KCNJ6: variants seen among roughly 807,000 people sequenced by gnomAD.
KCNJ6 encodes potassium inwardly rectifying channel subfamily J member 6.
Under a neutral mutation model 34.2 loss-of-function variants are expected in KCNJ6, and 9 were observed. That is an observed-to-expected ratio of 0.26 (90% CI 0.16 to 0.46). The LOEUF (loss-of-function observed/expected upper bound fraction) is 0.46, where lower values mean the gene tolerates loss of function less well. Ranked by LOEUF, KCNJ6 falls within the 20% of genes least tolerant of loss-of-function variation. KCNJ6 has a pLI of 1.00. For missense variants in KCNJ6, 236 were observed against 531.3 expected (o/e 0.44, Z 5.46); for synonymous variants, 196 against 207.1 (o/e 0.95, Z 0.46).
At chr21:37,758,472 T>C (rs2055042718) in intron 2 of KCNJ6, among the ~76,000 whole-genome samples, 1 of 152,148 alleles carries the variant, frequency 6.6e-6, no homozygotes. Context: ...TCATTTGTAG[T>C]GTTTGCTGAT....
At chr21:37,810,905 C>T (rs970977294) in intron 2 of KCNJ6, among the ~76,000 whole-genome samples, 2 of 152,020 alleles carry the variant, frequency 1.3e-5, no homozygotes, top group Non-Finnish European at 2.9e-5. Context: ...ACATAGAGTT[C>T]CTAATCCTTG....
At chr21:37,751,127 T>A (rs1158893923) in intron 2 of KCNJ6, among the ~76,000 whole-genome samples, 1 of 152,216 alleles carries the variant, frequency 6.6e-6, no homozygotes, top group Non-Finnish European at 1.5e-5. Flanking sequence ...AGGAATGGAC[T>A]GATTTTTATT....
rs540029029 is a variant in KCNJ6, at chr21:37,720,777, G to A, written c.26-5646C>T. ...CTGCGGACTGCAGTGGCGCAATCTC[G>A]GCTCACTGCAAGCTCCGCTTCCCGG... On this transcript the variant is annotated intron_variant, in intron 2 of 3. Coordinates refer to ENST00000609713, the MANE Select transcript of KCNJ6 (RefSeq NM_002240.5). Among the ~76,000 whole-genome samples the A allele has an allele frequency of 5.1e-3, 768 of 149,834 alleles. 6 individuals carry two copies. The highest frequency in any genetic ancestry group is 0.01 in the Middle Eastern group (3 of 292).
At chr21:37,862,449 C>G (rs2055599397) in intron 1 of KCNJ6, among the ~76,000 whole-genome samples, 2 of 152,224 alleles carry the variant, frequency 1.3e-5, no homozygotes, top group African/African-American at 4.8e-5. Context: ...TCTAGCTGTG[C>G]TTTAATTCTA....
chr21:37,786,107 T>C (rs2055191456), intron 2 of KCNJ6, among the ~76,000 whole-genome samples: 1 of 152,226 alleles, frequency 6.6e-6, no homozygotes, highest in Non-Finnish European at 1.5e-5. Flanking sequence ...TACAACTCTT[T>C]ACAGCCTAGC....
At chr21:37,706,886 G>A (rs899202651) in intron 3 of KCNJ6, among the ~76,000 whole-genome samples, 1 of 152,202 alleles carries the variant, frequency 6.6e-6, no homozygotes, top group Non-Finnish European at 1.5e-5. Flanking sequence ...ATCTAGGAGA[G>A]GAAATGGGAA....
intron 3 of KCNJ6, among the ~76,000 whole-genome samples, chr21:37,666,020 C>T (rs190283660): frequency 6.6e-6 from 1 of 152,302 alleles, no homozygotes; most frequent in African/African-American, 2.4e-5. Flanking sequence ...ACCATGATGT[C>T]ATTTCATACC....
At chr21:37,709,340 C>A (rs924907295) in intron 3 of KCNJ6, among the ~76,000 whole-genome samples, 2 of 151,878 alleles carry the variant, frequency 1.3e-5, no homozygotes, top group Non-Finnish European at 2.9e-5. Context: ...GGAGAAACCC[C>A]ATCTCTACTA....
chr21:37,720,035 T>C (rs2054816489), intron 2 of KCNJ6, among the ~76,000 whole-genome samples: 1 of 152,118 alleles, frequency 6.6e-6, no homozygotes, highest in Non-Finnish European at 1.5e-5. Flanking sequence ...AGATCTCTAA[T>C]GTACCTGCAA....
At position 37,621,953 on chromosome 21, in the gene KCNJ6, G is replaced by C. The variant is rs2054291210; in HGVS notation, c.*3206C>G. ...CATAAAGTTGATTTATAAATGAATG[G>C]GTGCTCTTCCAGTTGGAGAGCACGT... is the stretch of plus-strand genomic sequence containing the variant. On this transcript the variant is annotated 3_prime_UTR_variant, in exon 4 of 4. Coordinates refer to ENST00000609713, the MANE Select transcript of KCNJ6 (RefSeq NM_002240.5). The C allele has an allele frequency of 2.0e-5, 3 of 152,196 alleles. No homozygotes were observed. In the South Asian group the frequency reaches 6.2e-4, roughly 31 times the overall value. 9.4% of individuals were successfully genotyped at this position (152,196 alleles called of 1,614,324 possible). A position where few individuals can be genotyped will look rare whatever the true frequency, so the allele number is the denominator to read the frequency against.
At chr21:37,893,151 G>C (rs1406807002) in intron 1 of KCNJ6, among the ~76,000 whole-genome samples, 1 of 151,428 alleles carries the variant, frequency 6.6e-6, no homozygotes, top group Non-Finnish European at 1.5e-5. Flanking sequence ...ACCGCACCCG[G>C]CCGGTTTCTT....
chr21:37,872,998 A>G (rs189061643), intron 1 of KCNJ6, among the ~76,000 whole-genome samples: 1 of 152,322 alleles, frequency 6.6e-6, no homozygotes, highest in Admixed American at 6.5e-5. Context: ...TGGAACTGTC[A>G]GTCAATTATA....
chr21:37,735,469 C>T (rs1210756465), intron 2 of KCNJ6, among the ~76,000 whole-genome samples: 2 of 152,200 alleles, frequency 1.3e-5, no homozygotes, highest in African/African-American at 4.8e-5. Flanking sequence ...ACTGTAGGCT[C>T]TGAATGTGTT....
chr21:37,896,087 C>T (rs1056955492), intron 1 of KCNJ6, among the ~76,000 whole-genome samples: 3 of 152,072 alleles, frequency 2.0e-5, no homozygotes, highest in Non-Finnish European at 4.4e-5. Flanking sequence ...ACAATCATGT[C>T]GGAAGGAAGA....
chr21:37,783,238 G>T (rs1409942784), intron 2 of KCNJ6, among the ~76,000 whole-genome samples: 1 of 152,172 alleles, frequency 6.6e-6, no homozygotes, highest in Non-Finnish European at 1.5e-5. Flanking sequence ...ATGAGGGCGT[G>T]CATCAGCAAA....
chr21:37,673,184 G>C (rs1423412114), intron 3 of KCNJ6, among the ~76,000 whole-genome samples: 1 of 152,242 alleles, frequency 6.6e-6, no homozygotes, highest in Non-Finnish European at 1.5e-5. Flanking sequence ...GGTGGAAATG[G>C]AGCAGAGGCT....
At chr21:37,652,485 G>T (rs1321241465) in intron 3 of KCNJ6, among the ~76,000 whole-genome samples, 2 of 152,172 alleles carry the variant, frequency 1.3e-5, no homozygotes, top group African/African-American at 4.8e-5. Flanking sequence ...AAGCGAAGGA[G>T]GGTTTTTGTT....
intron 2 of KCNJ6, among the ~76,000 whole-genome samples, chr21:37,829,253 G>C (rs1047290891): frequency 6.6e-6 from 1 of 152,136 alleles, no homozygotes; most frequent in Non-Finnish European, 1.5e-5. Context: ...GTGAGACACA[G>C]TGAGATGGGG....
At chr21:37,846,866 C>A (rs1352246190) in intron 1 of KCNJ6, among the ~76,000 whole-genome samples, 1 of 152,168 alleles carries the variant, frequency 6.6e-6, no homozygotes, top group Non-Finnish European at 1.5e-5. Flanking sequence ...AATGCACCAG[C>A]CCTGGCCCCT....
Sources: gnomAD v4.1 joint callset for allele counts (sites outside exome capture counted in the v4.1 genomes callset) on GRCh38, gnomAD v4.1.1 for gene constraint, MANE v1.5 for transcripts, NCBI Gene and HGNC (gene_info 2026-07-23, HGNC 2026-07-21) for gene names.